RMP64: variants seen among roughly 807,000 people sequenced by gnomAD.
RMP64 encodes the protein nucleolus and neural progenitor protein.
the RMP64 span, chr3:113,004,511 G>A: frequency 1.3e-5 from 2 of 152,038 alleles, no homozygotes; most frequent in Non-Finnish European, 2.9e-5. Flanking sequence ...AGAAGGATGC[G>A]GTACATACTA....
the RMP64 span, among the ~76,000 whole-genome samples, chr3:113,007,551 G>A: frequency 4.7e-4 from 71 of 151,976 alleles, no homozygotes; most frequent in African/African-American, 1.5e-3. Context: ...AATCATTACC[G>A]TTAAGCCCTG....
chr3:113,011,510 C>T, the RMP64 span: 2 of 1,017,480 alleles, frequency 2.0e-6, no homozygotes, highest in South Asian at 1.7e-5. Context: ...CTATCAAGGT[C>T]CTCCAGTACA....
the RMP64 span, among the ~76,000 whole-genome samples, chr3:113,015,270 C>T: frequency 6.6e-6 from 1 of 152,018 alleles, no homozygotes; most frequent in African/African-American, 2.4e-5. Context: ...GAACACTGTT[C>T]TAAGAACTGG....
At chr3:113,010,433 A>G in the RMP64 span, 3 of 524,054 alleles carry the variant, frequency 5.7e-6, no homozygotes, top group Non-Finnish European at 1.0e-5. Context: ...TCCTACTAAA[A>G]TATTTCTGAA....
chr3:113,010,631 A>G, the RMP64 span: 1 of 1,608,534 alleles, frequency 6.2e-7, no homozygotes, highest in Admixed American at 1.7e-5. Context: ...AATTTAATGA[A>G]GCCAGACAAA....
At chr3:113,017,882 T>G in the RMP64 span, among the ~76,000 whole-genome samples, 3 of 152,238 alleles carry the variant, frequency 2.0e-5, no homozygotes, top group South Asian at 6.2e-4. Flanking sequence ...ATCTTTCATA[T>G]GAATACTTTG....
the RMP64 span, chr3:113,017,672 TAAA>T: frequency 7.5e-7 from 1 of 1,339,434 alleles, no homozygotes; most frequent in South Asian, 1.4e-5. Context: ...AAAAACACAC[TAAA>T]AAAAGCATCT....
chr3:113,010,429 TAA>T, the RMP64 span: 1 of 519,924 alleles, frequency 1.9e-6, no homozygotes, highest in African/African-American at 2.0e-5. Context: ...AAACTCCTAC[TAA>T]AATATTTCTG....
chr3:113,013,076 C>CT, the RMP64 span: 588 of 643,054 alleles, frequency 9.1e-4, 4 homozygotes, highest in African/African-American at 9.4e-3. Context: ...ATAATACGTG[C>CT]TGAACAGTGA....
the RMP64 span, among the ~76,000 whole-genome samples, chr3:113,007,195 A>G: frequency 1.3e-5 from 2 of 152,184 alleles, no homozygotes; most frequent in Non-Finnish European, 2.9e-5. Flanking sequence ...AGACCTTTAG[A>G]GGAGCCATCT....
the RMP64 span, chr3:113,003,917 G>C: frequency 2.0e-5 from 3 of 152,162 alleles, no homozygotes; most frequent in Non-Finnish European, 4.4e-5. Context: ...AGGCTACTTA[G>C]GGGACTGGGT....
the RMP64 span, chr3:113,012,766 G>C: frequency 6.2e-7 from 1 of 1,608,326 alleles, no homozygotes; most frequent in Non-Finnish European, 8.5e-7. Context: ...CCATCACAAG[G>C]TTTAAAATAA....
the RMP64 span, among the ~76,000 whole-genome samples, chr3:113,007,234 C>T: frequency 5.6e-4 from 86 of 152,284 alleles, no homozygotes; most frequent in Non-Finnish European, 1.1e-3. Context: ...AGCACTTTAT[C>T]CCTCAGGAAT....
the RMP64 span, chr3:113,011,280 G>A: frequency 1.9e-6 from 3 of 1,613,608 alleles, no homozygotes; most frequent in South Asian, 1.1e-5. Context: ...AAAATTCAGT[G>A]ATATCAGAAG....
the RMP64 span, among the ~76,000 whole-genome samples, chr3:113,018,776 T>C: frequency 6.6e-6 from 1 of 152,164 alleles, no homozygotes; most frequent in African/African-American, 2.4e-5. Context: ...TATCAACTCT[T>C]TCATCCCCCC....
At chr3:113,016,958 A>G in the RMP64 span, among the ~76,000 whole-genome samples, 7 of 152,244 alleles carry the variant, frequency 4.6e-5, no homozygotes, top group African/African-American at 1.7e-4. Flanking sequence ...CAAACATTAC[A>G]TGAAACCAGT....
chr3:113,004,096 C>A, the RMP64 span: 1 of 152,142 alleles, frequency 6.6e-6, no homozygotes, highest in Non-Finnish European at 1.5e-5. Context: ...ATGAAATCTC[C>A]TTGGTATTGT....
the RMP64 span, among the ~76,000 whole-genome samples, chr3:113,006,901 T>C: frequency 6.6e-6 from 1 of 152,192 alleles, no homozygotes; most frequent in African/African-American, 2.4e-5. Context: ...AATAATACTG[T>C]CTACCTCACA....
At chr3:113,019,243 C>T in the RMP64 span, 21 of 437,454 alleles carry the variant, frequency 4.8e-5, no homozygotes, top group African/African-American at 4.0e-4. Flanking sequence ...CACTGTTCCC[C>T]GGCACCAGCT....
Sources: allele counts gnomAD v4.1 joint callset (sites outside exome capture counted in the v4.1 genomes callset), GRCh38; gene constraint gnomAD v4.1.1; transcripts MANE v1.5; gene names NCBI Gene and HGNC (gene_info 2026-07-23, HGNC 2026-07-21).